Variants in ATG7 observed in about 807,000 individuals in gnomAD.
The protein encoded by ATG7 is autophagy related 7, also known as ubiquitin-like modifier-activating enzyme ATG7.
Under a neutral mutation model 82.4 loss-of-function variants are expected in ATG7, and 70 were observed. That is an observed-to-expected ratio of 0.85 (90% CI 0.70 to 1.04). The LOEUF is 1.04. Among genes scored for constraint, ATG7 ranks in the 50% least tolerant of loss-of-function variants. ATG7 has a pLI of 0.00. For synonymous variants in ATG7, 287 were observed against 313.0 expected (o/e 0.92, Z 0.88); for missense variants, 792 against 864.3 (o/e 0.92, Z 1.05).
chr3:11,552,620 C>G (rs2071915332), intron 20 of ATG7, among the ~76,000 whole-genome samples: 1 of 152,186 alleles, frequency 6.6e-6, no homozygotes, highest in Non-Finnish European at 1.5e-5. Flanking sequence ...AGAGCCCGTC[C>G]CTGCCCCAGA....
chr3:11,393,541 A>G (rs1398363146), intron 19 of ATG7, among the ~76,000 whole-genome samples: 1 of 152,228 alleles, frequency 6.6e-6, no homozygotes, highest in Non-Finnish European at 1.5e-5. Context: ...TATGTCTTGT[A>G]TAATGTTGCC....
At chr3:11,372,851 C>CGTGTGTGTGTGT (rs10666472) in intron 18 of ATG7, among the ~76,000 whole-genome samples, 6 of 83,250 alleles carry the variant, frequency 7.2e-5, no homozygotes, top group African/African-American at 1.5e-4. Flanking sequence ...CGTGCGTGTG[C>CGTGTGTGTGTGT]GTGTGTGTGT....
At chr3:11,453,141 G>A (rs2085359114) in intron 20 of ATG7, among the ~76,000 whole-genome samples, 1 of 152,212 alleles carries the variant, frequency 6.6e-6, no homozygotes, top group Non-Finnish European at 1.5e-5. Context: ...TAAAAAGAGG[G>A]AATGTCCAGT....
At chr3:11,303,064 T>C (rs979896594) in intron 5 of ATG7, among the ~76,000 whole-genome samples, 4 of 152,224 alleles carry the variant, frequency 2.6e-5, no homozygotes, top group Middle Eastern at 3.2e-3. Context: ...CCATTATCCC[T>C]GAGGACTTTG....
At chr3:11,364,292 T>G (rs1559474741) in intron 17 of ATG7, among the ~76,000 whole-genome samples, 1 of 152,254 alleles carries the variant, frequency 6.6e-6, no homozygotes, top group Non-Finnish European at 1.5e-5. Context: ...TATTTCATAG[T>G]AAGTGAGTTA....
intron 20 of ATG7, among the ~76,000 whole-genome samples, chr3:11,514,769 CA>C (rs1037659931): frequency 6.6e-6 from 1 of 151,588 alleles, no homozygotes; most frequent in Non-Finnish European, 1.5e-5. Context: ...GTGCTAACCA[CA>C]AGGAGAAAAG....
At chr3:11,540,979 A>G (rs1366335571) in intron 20 of ATG7, among the ~76,000 whole-genome samples, 3 of 149,802 alleles carry the variant, frequency 2.0e-5, no homozygotes, top group Admixed American at 1.4e-4. Flanking sequence ...GGCTCACTGC[A>G]AGCTCCGCCT....
intron 3 of ATG7, among the ~76,000 whole-genome samples, chr3:11,296,971 C>A (rs975830227): frequency 6.6e-6 from 1 of 152,200 alleles, no homozygotes; most frequent in Non-Finnish European, 1.5e-5. Flanking sequence ...AATTCTAAAT[C>A]CAACAAGTTT....
At chr3:11,397,674 C>G (rs1426356381) in intron 19 of ATG7, among the ~76,000 whole-genome samples, 4 of 151,768 alleles carry the variant, frequency 2.6e-5, no homozygotes, top group Non-Finnish European at 4.4e-5. Flanking sequence ...CCAGGCTGAT[C>G]TCGAACTCCT....
intron 18 of ATG7, among the ~76,000 whole-genome samples, chr3:11,378,399 C>T (rs1015042901): frequency 3.3e-5 from 5 of 150,212 alleles, no homozygotes; most frequent in Non-Finnish European, 7.4e-5. Flanking sequence ...ATGATAAATT[C>T]GGGCTGGGCG....
intron 19 of ATG7, among the ~76,000 whole-genome samples, chr3:11,387,428 C>G (rs2078404742): frequency 6.6e-6 from 1 of 152,140 alleles, no homozygotes; most frequent in Non-Finnish European, 1.5e-5. Flanking sequence ...CTAGTTTTCC[C>G]AGACAAATTT....
At chr3:11,514,943 T>G (rs1429373507) in intron 20 of ATG7, among the ~76,000 whole-genome samples, 9 of 149,198 alleles carry the variant, frequency 6.0e-5, no homozygotes. Flanking sequence ...CAGGTTCAAG[T>G]GATTCTCCTG....
chr3:11,365,630 G>A (rs1238635830), intron 18 of ATG7, among the ~76,000 whole-genome samples: 1 of 152,150 alleles, frequency 6.6e-6, no homozygotes, highest in African/African-American at 2.4e-5. Context: ...AGACTCAGAC[G>A]AGTGCAGAGA....
chr3:11,558,001 TTTCA>T (rs2072597462), downstream of ATG7: 1 of 155,644 alleles, frequency 6.4e-6, no homozygotes, highest in Admixed American at 6.2e-5. Context: ...ACCCTTTGTT[TTTCA>T]GCAGTTTGCC....
At chr3:11,452,501 C>T (rs1051082466) in intron 20 of ATG7, among the ~76,000 whole-genome samples, 14 of 150,964 alleles carry the variant, frequency 9.3e-5, no homozygotes, top group African/African-American at 2.0e-4. Flanking sequence ...ATTCATGCTA[C>T]GTGAATTATA....
At position 11,315,342 on chromosome 3, in the gene ATG7, A is replaced by G; in HGVS notation, c.529-2A>G. 1 of 1,551,846 alleles carries G rather than the reference A, an allele frequency of 6.4e-7. No individual in the cohort carries two copies. Among genetic ancestry groups the G allele is most frequent in the Non-Finnish European group, 8.7e-7 (1 of 1,151,152 alleles). On this transcript the variant is annotated splice_acceptor_variant, in intron 8 of 20. Coordinates refer to ENST00000693202, the MANE Select transcript of ATG7 (RefSeq NM_001349232.2). LOFTEE classifies it high-confidence loss of function. The stretch of plus-strand genomic sequence containing the variant: ...GAATAACAACGTGTTTTCTGTTTTC[A>G]GATTGAAGCACTAGAGTGTGCATAT...
chr3:11,548,530 A>G (rs1403530221), intron 20 of ATG7, among the ~76,000 whole-genome samples: 1 of 152,224 alleles, frequency 6.6e-6, no homozygotes, highest in African/African-American at 2.4e-5. Context: ...CCTGCCCTCT[A>G]TAGGGAGGCA....
the ATG7 span, among the ~76,000 whole-genome samples, chr3:11,566,423 G>A: frequency 2.6e-5 from 4 of 152,132 alleles, no homozygotes; most frequent in Non-Finnish European, 5.9e-5. Context: ...TTCAGATTTC[G>A]TGTTTTGCTT....
intron 15 of ATG7, 136 bp downstream of exon 15, chr3:11,358,748 C>A (rs1389600417): frequency 2.3e-6 from 2 of 875,742 alleles, no homozygotes; most frequent in Non-Finnish European, 3.4e-6. Flanking sequence ...AGGGCTTCTG[C>A]TTCAGACTCT....
Sources: gnomAD v4.1 joint callset for allele counts (sites outside exome capture counted in the v4.1 genomes callset) on GRCh38, gnomAD v4.1.1 for gene constraint, MANE v1.5 for transcripts, NCBI Gene and HGNC (gene_info 2026-07-23, HGNC 2026-07-21) for gene names.